Variants in VPS53 observed in about 807,000 individuals in gnomAD.
VPS53 encodes the protein vacuolar protein sorting-associated protein 53 homolog.
In VPS53, 70 loss-of-function variants were observed where a neutral mutation model predicts 107.0. The ratio of observed to expected loss-of-function variants is 0.65; its 90% CI spans 0.54 to 0.80. VPS53 has a LOEUF of 0.80. VPS53 is among the 30% of genes least tolerant of loss of function. VPS53 has a pLI of 0.00. For synonymous variants in VPS53, 409 were observed against 393.3 expected, an observed-to-expected ratio of 1.04 and a Z score of -0.47; for missense variants, 917 against 1,049.4, an observed-to-expected ratio of 0.87 and a Z score of 1.74.
chr17:631,720 G>A (rs552174468), intron 7 of VPS53, 92 bp from the exon 8 acceptor site: 221 of 1,203,778 alleles, frequency 1.8e-4, no homozygotes, highest in South Asian at 7.5e-4. Context: ...GAAGTCTTTC[G>A]AGAAAGGCCA....
chr17:606,153 G>A (rs7218095), intron 11 of VPS53, among the ~76,000 whole-genome samples: 21,877 of 152,030 alleles, frequency 0.14, 1,924 homozygotes, highest in East Asian at 0.39. Flanking sequence ...TTAGGAGGCA[G>A]AGCCAGGAGG....
At position 519,914 on chromosome 17, in the gene VPS53, T is replaced by C. The variant is rs1045229670; in HGVS notation, c.2240A>G (p.His747Arg). 6 of 1,551,486 alleles carry C rather than the reference T, an allele frequency of 3.9e-6. No individual in the cohort carries two copies. Among genetic ancestry groups the C allele is most frequent in the African/African-American group, 1.4e-5 (1 of 73,036 alleles). ...GTCAACAAACACCACCAACGGTTCA[T>C]GAGGGGCCATCACTACCTACAGCGG... The part of the protein sequence containing the change: ...EMILKVVMAP[H>R]EPLVVFVDNY... Residue 747 changes from histidine (H) to arginine (R), a missense_variant, in exon 21 of 22, where the codon CAT becomes CGT. Transcript: ENST00000437048. This position sits in a 1 kb window ranked among gnomAD's most constrained non-coding sequence, Gnocchi z 5.0.
At chr17:586,402 G>A in intron 12 of VPS53, 38 bp from the exon 13 acceptor site, 3 of 1,584,128 alleles carry the variant, frequency 1.9e-6, no homozygotes, top group Non-Finnish European at 2.6e-6. Flanking sequence ...ATACTTGAGT[G>A]ATCTTTGCAA....
chr17:626,009 C>A (rs1403181879), intron 10 of VPS53, among the ~76,000 whole-genome samples: 1 of 152,184 alleles, frequency 6.6e-6, no homozygotes, highest in South Asian at 2.1e-4. Context: ...TCAAGACCAG[C>A]CCGAACAACA....
intron 5 of VPS53, among the ~76,000 whole-genome samples, chr17:661,536 A>AT (rs386385399): frequency 6.7e-6 from 1 of 149,214 alleles, no homozygotes; most frequent in African/African-American, 2.4e-5. Context: ...AAAAAAAAAA[A>AT]ATACCCAAAA....
chr17:586,623 C>A (rs1213077536), intron 12 of VPS53, among the ~76,000 whole-genome samples: 1 of 152,214 alleles, frequency 6.6e-6, no homozygotes. Context: ...GGAAGCAAGT[C>A]ATCATCTATC....
At chr17:591,358 T>C (rs1368706532) in intron 12 of VPS53, among the ~76,000 whole-genome samples, 1 of 136,780 alleles carries the variant, frequency 7.3e-6, no homozygotes. Context: ...TTTTGAAGGG[T>C]TTTTTGTGTC....
intron 11 of VPS53, among the ~76,000 whole-genome samples, chr17:606,554 A>G (rs1425285831): frequency 6.6e-6 from 1 of 152,120 alleles, no homozygotes; most frequent in Non-Finnish European, 1.5e-5. Context: ...GTTTCCATCC[A>G]TGACGGGCCA....
chr17:519,174 G>A lies in VPS53; in HGVS notation c.2453C>T (p.Ser818Leu). Residue 818 changes from serine to leucine, a missense_variant, in exon 22 of 22, where the codon TCG (serine) becomes TTG (leucine). Coordinates refer to ENST00000437048, the MANE Select transcript of VPS53 (RefSeq NM_001128159.3). The surrounding 1 kb of genome is among the most constrained non-coding windows in gnomAD (Gnocchi z 5.0). ...TTTCTCGAGCTTGCGGATGCGTGAC[G>A]ACTCTTGCTCTGGTGTTGGCGCCGT... is the stretch of plus-strand genomic sequence containing the variant. ...SLTAPTPEQE[S>L]SRIRKLEKLI... 6 of 1,546,556 alleles carry A rather than the reference G, an allele frequency of 3.9e-6. No homozygotes were observed. The highest frequency in any genetic ancestry group is 5.2e-6 in the Non-Finnish European group (6 of 1,145,000).
chr17:692,638 C>G lies in VPS53; in HGVS notation c.285+4780G>C, dbSNP rs1246838296. The stretch of plus-strand genomic sequence containing the variant: ...CAAAAACATTGCTTTTCAAAAGCAA[C>G]TTTTCTGCTAAAAATGTCATTTAAG... On this transcript the variant is annotated intron_variant, in intron 4 of 21. Coordinates refer to ENST00000437048, the MANE Select transcript of VPS53 (RefSeq NM_001128159.3). 3.9e-5 allele frequency among the ~76,000 whole-genome samples: 6 copies of G among 152,228 alleles called. No individual in the cohort carries two copies. In the East Asian group the frequency reaches 1.2e-3, roughly 29 times the overall value.
chr17:561,762 C>T (rs1273350579), intron 14 of VPS53, among the ~76,000 whole-genome samples: 3 of 152,080 alleles, frequency 2.0e-5, no homozygotes, highest in East Asian at 1.9e-4. Context: ...CCCGAGCAGC[C>T]GGGACTACAG....
chr17:655,948 T>C lies in VPS53; in HGVS notation c.378A>G (p.Lys126=), dbSNP rs2143532383. The C allele has an allele frequency of 6.2e-7, 1 of 1,613,300 alleles. No homozygotes were observed. Among genetic ancestry groups the C allele is most frequent in the Non-Finnish European group, 8.5e-7 (1 of 1,179,588 alleles). ...DKAEKSEQMV[K]EITRDIKQLD... is the part of the protein sequence containing the mutation. The stretch of plus-strand genomic sequence containing the variant: ...ATTGCTTAATATCACGGGTGATTTC[T>C]TTCACCTAAACATTGAAAAACCACA... Residue 126 remains lysine (K), a synonymous_variant, in exon 6 of 22, where the codon AAA becomes AAG. Coordinates refer to ENST00000437048, the MANE Select transcript of VPS53 (RefSeq NM_001128159.3).
intron 14 of VPS53, 47 bp from the exon 15 acceptor site, chr17:560,620 CT>C (rs1912862163): frequency 1.3e-6 from 2 of 1,591,680 alleles, no homozygotes; most frequent in East Asian, 4.5e-5. Flanking sequence ...TTCTAATTTG[CT>C]TCCTGAACTG....
chr17:579,183 ATCT>A (rs1567644402), intron 13 of VPS53, among the ~76,000 whole-genome samples: 63 of 147,334 alleles, frequency 4.3e-4, no homozygotes, highest in South Asian at 6.5e-4. Context: ...TTCCCAGAGA[ATCT>A]CCCTCAGAAC....
chr17:619,514 G>A (rs1214812823), intron 11 of VPS53, among the ~76,000 whole-genome samples: 3 of 144,824 alleles, frequency 2.1e-5, no homozygotes, highest in Admixed American at 2.1e-4. Context: ...GGGACTACAG[G>A]CGTGCACCAC....
chr17:572,193 C>A, intron 13 of VPS53, among the ~76,000 whole-genome samples: 1 of 149,454 alleles, frequency 6.7e-6, no homozygotes, highest in Non-Finnish European at 1.5e-5. Context: ...CTTTGCCCCG[C>A]CGCCCCGTCT....
At chr17:576,639 C>T (rs556646073) in intron 13 of VPS53, among the ~76,000 whole-genome samples, 4 of 151,748 alleles carry the variant, frequency 2.6e-5, no homozygotes, top group Non-Finnish European at 5.9e-5. Context: ...CAAAGATCCT[C>T]CCTCAGAATC....
chr17:598,371 C>A (rs970940250), intron 12 of VPS53, among the ~76,000 whole-genome samples: 1 of 151,998 alleles, frequency 6.6e-6, no homozygotes, highest in Non-Finnish European at 1.5e-5. Flanking sequence ...GCAGCCTCTG[C>A]CCGGCCACCA....
chr17:576,268 G>A (rs1293666842), intron 13 of VPS53, among the ~76,000 whole-genome samples: 2 of 150,536 alleles, frequency 1.3e-5, no homozygotes, highest in East Asian at 2.0e-4. Context: ...ATAACCTAAT[G>A]CGTTCTCAGA....
Sources: allele counts gnomAD v4.1 joint callset (sites outside exome capture counted in the v4.1 genomes callset), GRCh38; gene constraint gnomAD v4.1.1; non-coding constraint Gnocchi (gnomAD v3.1); transcripts MANE v1.5; gene names NCBI Gene and HGNC (gene_info 2026-07-23, HGNC 2026-07-21).